The following ZNF550 variants were observed in gnomAD, a reference collection of about 807,000 sequenced individuals.
The protein encoded by ZNF550 is zinc finger protein 550.
In ZNF550, 42 loss-of-function variants were observed where a neutral mutation model predicts 40.2. The observed-to-expected ratio is 1.05, with a 90% CI of 0.82 to 1.35. The LOEUF (loss-of-function observed/expected upper bound fraction) is 1.35, where lower values mean the gene tolerates loss of function less well. Among genes scored for constraint, ZNF550 ranks in the 40% most tolerant of loss-of-function variants. ZNF550 has a pLI of 0.00. For missense variants in ZNF550, 549 were observed against 525.2 expected, an observed-to-expected ratio of 1.05 and a Z score of -0.44; for synonymous variants, 223 against 198.6, an observed-to-expected ratio of 1.12 and a Z score of -1.03.
intron 1 of ZNF550, chr19:57,557,121 G>A (rs1178131971): frequency 2.0e-5 from 3 of 151,912 alleles, no homozygotes; most frequent in East Asian, 1.9e-4. Context: ...CCCTCAGCCC[G>A]ACACCCATAA....
exon 4 of ZNF550, chr19:57,546,462 A>T (rs2090010893): frequency 1.0e-6 from 1 of 986,744 alleles, no homozygotes; most frequent in Admixed American, 6.0e-5. Context: ...GATACCTGTA[A>T]CTGAAGGTTT....
upstream of ZNF550, among the ~76,000 whole-genome samples, chr19:57,560,280 G>C (rs917596892): frequency 1.3e-5 from 2 of 152,174 alleles, no homozygotes; most frequent in Admixed American, 6.5e-5. Flanking sequence ...CGTGGATCTG[G>C]ACCCCCGCTT....
At chr19:57,546,412 C>A in intron 4 of ZNF550, 1 of 857,862 alleles carries the variant, frequency 1.2e-6, no homozygotes, top group Non-Finnish European at 1.4e-6. Context: ...AAAAATAAAA[C>A]TGATCTTACA....
At chr19:57,547,115 C>T in exon 4 of ZNF550, 1 of 1,613,994 alleles carries the variant, frequency 6.2e-7, no homozygotes, top group Non-Finnish European at 8.5e-7. Flanking sequence ...AAGGCTTTCC[C>T]ACACTGGGTG....
At chr19:57,545,928 A>ATT (rs771602458) in intron 4 of ZNF550, among the ~76,000 whole-genome samples, 14 of 152,170 alleles carry the variant, frequency 9.2e-5, no homozygotes, top group African/African-American at 1.4e-4. Context: ...CAAGAGGACC[A>ATT]TTTGAGCCCA....
At chr19:57,558,322 G>A (rs561585131) in intron 1 of ZNF550, among the ~76,000 whole-genome samples, 2 of 152,316 alleles carry the variant, frequency 1.3e-5, no homozygotes, top group South Asian at 4.1e-4. Flanking sequence ...CAGTGAGAAA[G>A]GGGACAATGG....
rs145980297 is a variant in ZNF550, at chr19:57,547,985, C to G, written c.259G>C (p.Ala87Pro). 6 of 1,612,194 alleles carry G rather than the reference C, an allele frequency of 3.7e-6. No homozygotes were observed. In the African/African-American group the frequency reaches 8.0e-5, roughly 22 times the overall value. ...GTTGGCTCTCTGGTATGAACTTGTG[C>G]TCTGTCACCTGAAGGGCATCAACAA... The change falls in exon 4 of 5, where the codon GCA becomes CCA. Residue 87 changes from alanine to proline, a missense_variant. Transcript: ENST00000457177.
exon 5 of ZNF550, chr19:57,543,093 G>T: frequency 3.6e-6 from 1 of 276,978 alleles, no homozygotes; most frequent in Non-Finnish European, 5.5e-6. Context: ...TGATCACTCT[G>T]TTGTTCACAT....
intron 3 of ZNF550, 181 bp downstream of exon 3, chr19:57,552,446 G>C (rs1160939904): frequency 3.7e-6 from 2 of 541,494 alleles, no homozygotes; most frequent in Non-Finnish European, 6.6e-6. Flanking sequence ...CTGTGTCTCT[G>C]AATAATTGTG....
intron 2 of ZNF550, chr19:57,553,807 T>A (rs1313823702): frequency 1.3e-5 from 2 of 152,144 alleles, no homozygotes; most frequent in African/African-American, 4.8e-5. Context: ...GAAACAAAAT[T>A]TCTTCGTGTG....
At chr19:57,542,206 G>T (rs1212464525) in exon 5 of ZNF550, 2 of 151,046 alleles carry the variant, frequency 1.3e-5, no homozygotes, top group Admixed American at 1.3e-4. Flanking sequence ...TGGAAAGCTG[G>T]GTAATTCTAA....
intron 4 of ZNF550, chr19:57,543,930 C>T (rs1482218038): frequency 1.0e-6 from 1 of 980,900 alleles, no homozygotes; most frequent in African/African-American, 1.7e-5. Flanking sequence ...AAGAGTGAAA[C>T]TCTGTCTCAA....
exon 1 of ZNF550, chr19:57,559,706 G>A: frequency 2.7e-6 from 4 of 1,473,786 alleles, no homozygotes; most frequent in Non-Finnish European, 3.6e-6. Context: ...GGACGAGGCC[G>A]CGTGGGGCAG....
exon 1 of ZNF550, chr19:57,559,837 GT>G: frequency 1.7e-6 from 1 of 592,052 alleles, no homozygotes; most frequent in Non-Finnish European, 2.5e-6. Context: ...CACCACAAAC[GT>G]CCACGCCAGC....
At chr19:57,558,121 C>T (rs2090138463) in intron 1 of ZNF550, among the ~76,000 whole-genome samples, 1 of 152,160 alleles carries the variant, frequency 6.6e-6, no homozygotes, top group African/African-American at 2.4e-5. Flanking sequence ...GCTAAAACAC[C>T]TCACCAAGCT....
chr19:57,553,078 G>C (rs930135354), intron 2 of ZNF550: 2 of 177,564 alleles, frequency 1.1e-5, no homozygotes, highest in African/African-American at 2.3e-5. Flanking sequence ...TAAGAACACA[G>C]CAAGTCAGCC....
upstream of ZNF550, chr19:57,559,924 A>G (rs2090157090): frequency 2.4e-6 from 1 of 415,666 alleles, no homozygotes; most frequent in Admixed American, 4.1e-5. Flanking sequence ...CCTTCTAGGT[A>G]ATGTAGTCTT....
intron 2 of ZNF550, chr19:57,555,735 T>C (rs1183851153): frequency 1.0e-5 from 2 of 193,776 alleles, no homozygotes; most frequent in African/African-American, 2.4e-5. Context: ...GACATTCCTG[T>C]GTACCCTCTA....
Position 57,548,644 on chromosome 19 carries a change from C to T in ZNF550, c.251-651G>A, listed in dbSNP as rs191308436. Among the ~76,000 whole-genome samples the T allele has an allele frequency of 2.8e-4, 43 of 152,184 alleles. 1 individual carries two copies. Among genetic ancestry groups the T allele is most frequent in the Admixed American group, 2.4e-3 (36 of 15,292 alleles). ...CTGTTGGTGGGAATTTCAATTAGTA[C>T]AACTGCCATGGAGAACAATCTGGAG... On this transcript the variant is annotated intron_variant, in intron 3 of 4. Coordinates refer to ENST00000457177, the Ensembl canonical transcript of ZNF550.
Sources: gnomAD v4.1 joint callset for allele counts (sites outside exome capture counted in the v4.1 genomes callset) on GRCh38, gnomAD v4.1.1 for gene constraint, MANE v1.5 for transcripts, NCBI Gene and HGNC (gene_info 2026-07-23, HGNC 2026-07-21) for gene names.